The following SAMMSON variants were observed in gnomAD, a reference collection of about 807,000 sequenced individuals.
SAMMSON encodes the protein survival associated mitochondrial melanoma specific oncogenic non-coding RNA.
chr3:70,399,492 C>CAAATTTTTGAAATTAAATGA, intron 2 of SAMMSON, among the ~76,000 whole-genome samples: 1 of 152,158 alleles, frequency 6.6e-6, no homozygotes, highest in South Asian at 2.1e-4. Flanking sequence ...CAATGTAGAC[C>CAAATTTTTGAAATTAAATGA]AACTAGAGGT....
chr3:70,402,963 T>C (rs1289384192), intron 2 of SAMMSON, among the ~76,000 whole-genome samples: 2 of 152,096 alleles, frequency 1.3e-5, no homozygotes, highest in Non-Finnish European at 2.9e-5. Flanking sequence ...ATGTGTATGA[T>C]AGATATATTT....
At chr3:70,087,139 C>T (rs772216776) in intron 4 of SAMMSON, among the ~76,000 whole-genome samples, 3 of 152,140 alleles carry the variant, frequency 2.0e-5, no homozygotes, top group Non-Finnish European at 4.4e-5. Flanking sequence ...AGTTCTCTTG[C>T]CCTGGATCTC....
chr3:70,063,758 G>A (rs1376718843), intron 3 of SAMMSON, among the ~76,000 whole-genome samples: 4 of 152,092 alleles, frequency 2.6e-5, no homozygotes, highest in Non-Finnish European at 5.9e-5. Flanking sequence ...TGGTGTCCAG[G>A]TAACTGGAGC....
At chr3:70,050,511 G>A (rs1207954793) in intron 3 of SAMMSON, among the ~76,000 whole-genome samples, 1 of 152,126 alleles carries the variant, frequency 6.6e-6, no homozygotes, top group Non-Finnish European at 1.5e-5. Flanking sequence ...GAAGAGACCT[G>A]TATGTGGTGC....
chr3:70,202,538 G>A, intron 4 of SAMMSON, among the ~76,000 whole-genome samples: 1 of 152,060 alleles, frequency 6.6e-6, no homozygotes, highest in East Asian at 1.9e-4. Context: ...TAGAACACCT[G>A]GCATCCTGGC....
intron 3 of SAMMSON, among the ~76,000 whole-genome samples, chr3:70,016,149 A>G (rs1407053833): frequency 1.3e-5 from 2 of 152,216 alleles, no homozygotes; most frequent in African/African-American, 4.8e-5. Flanking sequence ...ACTGTCTTCC[A>G]CAATGGATGA....
intron 4 of SAMMSON, among the ~76,000 whole-genome samples, chr3:70,225,589 C>G (rs1458137969): frequency 6.6e-6 from 1 of 150,774 alleles, no homozygotes; most frequent in South Asian, 2.2e-4. Flanking sequence ...ATCCTTTTCT[C>G]TGTAAAAGTG....
chr3:70,406,238 C>G (rs993891612), intron 2 of SAMMSON, among the ~76,000 whole-genome samples: 3 of 152,066 alleles, frequency 2.0e-5, no homozygotes, highest in African/African-American at 7.2e-5. Flanking sequence ...AACTTTTCAT[C>G]AGAAATAATT....
chr3:70,168,308 G>A (rs1245320669), intron 4 of SAMMSON, among the ~76,000 whole-genome samples: 2 of 151,910 alleles, frequency 1.3e-5, no homozygotes, highest in Non-Finnish European at 2.9e-5. Context: ...AGGGAGGAAG[G>A]GGTGACAGAT....
intron 4 of SAMMSON, among the ~76,000 whole-genome samples, chr3:70,140,960 C>T (rs910286840): frequency 2.6e-5 from 4 of 152,154 alleles, no homozygotes; most frequent in Non-Finnish European, 4.4e-5. Flanking sequence ...TTCCTCCTTT[C>T]TCTCTGGGAC....
chr3:70,055,818 A>C (rs917536718), intron 3 of SAMMSON, among the ~76,000 whole-genome samples: 2 of 152,002 alleles, frequency 1.3e-5, no homozygotes, highest in Non-Finnish European at 2.9e-5. Flanking sequence ...CATCCTATTT[A>C]TTCCTTCCTC....
At chr3:70,221,661 C>A (rs1701460773) in intron 4 of SAMMSON, among the ~76,000 whole-genome samples, 1 of 152,102 alleles carries the variant, frequency 6.6e-6, no homozygotes, top group African/African-American at 2.4e-5. Context: ...CCCTGAATGA[C>A]AAGTGACTGG....
intron 4 of SAMMSON, chr3:70,197,312 T>C (rs1030479297): frequency 5.0e-6 from 2 of 397,036 alleles, no homozygotes; most frequent in Non-Finnish European, 8.9e-6. Flanking sequence ...TTAGGGGTAA[T>C]GTACACCCTT....
intron 7 of SAMMSON, among the ~76,000 whole-genome samples, chr3:70,349,689 G>A (rs527929066): frequency 1.3e-5 from 2 of 152,264 alleles, no homozygotes; most frequent in East Asian, 1.9e-4. Flanking sequence ...GTCATTTAAT[G>A]TACAAGGAAA....
Position 70,395,132 on chromosome 3 carries a change from A to G in SAMMSON, n.233+36808A>G, listed in dbSNP as rs1381789076. Among the ~76,000 whole-genome samples the G allele has an allele frequency of 2.6e-5, 4 of 151,992 alleles. No homozygotes were observed. The East Asian group carries it at 7.7e-4, about 29-fold the overall frequency. On this transcript the variant is annotated intron_variant and non_coding_transcript_variant, in intron 2 of 3. Coordinates refer to the SAMMSON transcript ENST00000641053. ...TGGACCAAGCATCTCTCAGAAACAT[A>G]CCTTTTTTCAGGCCCACCCTGGGGA...
At chr3:70,104,396 G>T (rs1456560483) in intron 4 of SAMMSON, among the ~76,000 whole-genome samples, 1 of 151,908 alleles carries the variant, frequency 6.6e-6, no homozygotes, top group African/African-American at 2.4e-5. Context: ...GTGAAATCAT[G>T]CATGCAAGGG....
chr3:70,031,743 A>C (rs1306304120), intron 3 of SAMMSON, among the ~76,000 whole-genome samples: 1 of 152,182 alleles, frequency 6.6e-6, no homozygotes, highest in Non-Finnish European at 1.5e-5. Context: ...GCTTTTCTAA[A>C]TGAAACCAAC....
At chr3:70,304,592 C>T (rs921756283) in intron 7 of SAMMSON, among the ~76,000 whole-genome samples, 4 of 152,144 alleles carry the variant, frequency 2.6e-5, no homozygotes, top group Non-Finnish European at 5.9e-5. Flanking sequence ...CACTAAGGCA[C>T]AAGCCAGTCC....
intron 4 of SAMMSON, chr3:70,159,487 G>C (rs1429349697): frequency 6.6e-6 from 1 of 151,988 alleles, no homozygotes; most frequent in East Asian, 1.9e-4. Context: ...TTTCCAAAAT[G>C]ATTGTACCAT....
Sources: gnomAD v4.1 joint callset for allele counts (sites outside exome capture counted in the v4.1 genomes callset) on GRCh38, gnomAD v4.1.1 for gene constraint, MANE v1.5 for transcripts, NCBI Gene and HGNC (gene_info 2026-07-23, HGNC 2026-07-21) for gene names.